The following ANKRD28 variants were observed in gnomAD, a reference collection of about 807,000 sequenced individuals.
ANKRD28 encodes the protein serine/threonine-protein phosphatase 6 regulatory ankyrin repeat subunit A.
In ANKRD28, 44 loss-of-function variants were observed where a neutral mutation model predicts 126.5. The ratio of observed to expected loss-of-function variants is 0.35; its 90% CI spans 0.27 to 0.45. The LOEUF (loss-of-function observed/expected upper bound fraction) is 0.45. ANKRD28 is among the 20% of genes least tolerant of loss of function. The pLI, the probability that ANKRD28 is intolerant of heterozygous loss-of-function variation, is 1.00. For missense variants in ANKRD28, 1,110 were observed against 1,316.6 expected (o/e 0.84, Z 2.43); for synonymous variants, 442 against 468.5 (o/e 0.94, Z 0.73).
At chr3:15,778,825 G>A (rs576794502) in intron 2 of ANKRD28, among the ~76,000 whole-genome samples, 1 of 152,164 alleles carries the variant, frequency 6.6e-6, no homozygotes, top group Non-Finnish European at 1.5e-5. Context: ...TAATCCCTAC[G>A]TGTCAAGGAT....
chr3:15,833,579 C>T lies in ANKRD28; in HGVS notation c.27+25798G>A, dbSNP rs1254810003. 6.7e-6 allele frequency among the ~76,000 whole-genome samples: 1 copy of T among 149,750 alleles called. No individual in the cohort carries two copies. On this transcript the variant is annotated intron_variant, in intron 1 of 27. Coordinates refer to the ANKRD28 transcript ENST00000399451. This position sits in a 1 kb window ranked among gnomAD's most constrained non-coding sequence, Gnocchi z 4.4. ...AATGTGTGTGTGTATATATATATCT[C>T]CTATTAGTTCTGTCCCTCTAGAGAA... is the stretch of plus-strand genomic sequence containing the variant.
In ANKRD28 at chr3:15,692,144, T is replaced by TAA. The variant is rs908039642; in HGVS notation, c.1762-1926_1762-1925dup. 0.023 allele frequency among the ~76,000 whole-genome samples: 2,296 copies of TAA among 98,906 alleles called. 138 individuals carry two copies. In the East Asian group the frequency reaches 0.24, roughly 10 times the overall value. 64.9% of individuals were successfully genotyped at this position (98,906 alleles called of 152,430 possible). A position where few individuals can be genotyped will look rare whatever the true frequency, so the allele number is the denominator to read the frequency against. On this transcript the variant is annotated intron_variant, in intron 17 of 27. Transcript: ENST00000683139. ...GACAGAATGAGATTGTATCTCTAAATAAAAAAAAAAAAAAAAAAAAAATGA... is the reference window on the plus strand; with the variant it reads ...GACAGAATGAGATTGTATCTCTAAATAAAAAAAAAAAAAAAAAAAAAAAATGA...
At chr3:15,753,209 T>G (rs1238146839) in intron 3 of ANKRD28, among the ~76,000 whole-genome samples, 2 of 152,254 alleles carry the variant, frequency 1.3e-5, no homozygotes, top group African/African-American at 2.4e-5. Flanking sequence ...CATACCCATG[T>G]AATAAATATT....
chr3:15,784,297 A>C (rs1309634490), intron 2 of ANKRD28, among the ~76,000 whole-genome samples: 3 of 152,076 alleles, frequency 2.0e-5, no homozygotes, highest in African/African-American at 7.2e-5. Context: ...GCAGCAATAT[A>C]ATGACAAATG....
chr3:15,688,680 T>C (rs1203193452), intron 18 of ANKRD28, among the ~76,000 whole-genome samples: 2 of 152,312 alleles, frequency 1.3e-5, no homozygotes, highest in East Asian at 3.8e-4. Context: ...CCAAGACATA[T>C]ATTCAAATGT....
rs74961660 is a variant in ANKRD28 at position 15,797,248 on chromosome 3, C to T, written c.-727G>A. The T allele has an allele frequency of 8.0e-4, 789 of 983,064 alleles. 6 individuals are homozygous for T. In the African/African-American group the frequency reaches 0.011, roughly 14 times the overall value. 60.9% of individuals were successfully genotyped at this position (983,064 alleles called of 1,614,324 possible). A position where few individuals can be genotyped will look rare whatever the true frequency, so the allele number is the denominator to read the frequency against. On this transcript the variant is annotated 5_prime_UTR_variant, in exon 1 of 28. Coordinates refer to ENST00000683139, the MANE Select transcript of ANKRD28 (RefSeq NM_001349278.2). ...CCACTCTGCATTAATAGCAAAGCTG[C>T]AGTACGTTTACATGTGATGAGTCAG...
chr3:15,843,811 A>G lies in ANKRD28; in HGVS notation c.27+15566T>C, dbSNP rs1299775383. Among the ~76,000 whole-genome samples the G allele has an allele frequency of 6.6e-6, 1 of 152,178 alleles. No homozygotes were observed. Among genetic ancestry groups the G allele is most frequent in the Non-Finnish European group, 1.5e-5 (1 of 68,032 alleles). On this transcript the variant is annotated intron_variant, in intron 1 of 27. Transcript: ENST00000399451. This position sits in a 1 kb window ranked among gnomAD's most constrained non-coding sequence, Gnocchi z 5.2. ...AGGCAGAAATCAAAATGTAGAAATAAAACAATTTACAATAAGCAAGGGTAT... is the reference window on the plus strand; with the variant it reads ...AGGCAGAAATCAAAATGTAGAAATAGAACAATTTACAATAAGCAAGGGTAT...
chr3:15,819,349 A>G (rs910475726), intron 1 of ANKRD28, among the ~76,000 whole-genome samples: 3 of 152,214 alleles, frequency 2.0e-5, no homozygotes, highest in Non-Finnish European at 4.4e-5. Context: ...GGAAGGCGAC[A>G]GAAGAGTCCA....
chr3:15,788,883 T>C (rs1223342334), intron 2 of ANKRD28, among the ~76,000 whole-genome samples: 1 of 151,968 alleles, frequency 6.6e-6, no homozygotes, highest in African/African-American at 2.4e-5. Flanking sequence ...AGATCATTAA[T>C]GTAACCCTAC....
chr3:15,763,790 T>G lies in ANKRD28; in HGVS notation c.280+2444A>C, dbSNP rs565662630. Among the ~76,000 whole-genome samples, 106 of 152,268 alleles carry G rather than the reference T, an allele frequency of 7.0e-4. 1 individual carries two copies. The highest frequency in any genetic ancestry group is 1.3e-3 in the Non-Finnish European group (86 of 67,988). The stretch of plus-strand genomic sequence containing the variant: ...GAAGAAATCTGGGGTGGGGAGATAA[T>G]GTACAGCTCTAAGGCCAATGTAAAA... On this transcript the variant is annotated intron_variant, in intron 3 of 27. Transcript: ENST00000683139.
intron 1 of ANKRD28, among the ~76,000 whole-genome samples, chr3:15,827,061 G>T (rs1394494114): frequency 1.3e-5 from 2 of 152,128 alleles, no homozygotes; most frequent in African/African-American, 4.8e-5. Flanking sequence ...TTAAAACCAT[G>T]AGATATCATC....
chr3:15,691,034 C>T (rs1301317773), intron 17 of ANKRD28, among the ~76,000 whole-genome samples: 1 of 152,042 alleles, frequency 6.6e-6, no homozygotes, highest in African/African-American at 2.4e-5. Context: ...CAAAGAAATG[C>T]ATAACCGAGC....
chr3:15,825,424 A>G (rs1018886370), intron 1 of ANKRD28, among the ~76,000 whole-genome samples: 5 of 152,218 alleles, frequency 3.3e-5, no homozygotes, highest in African/African-American at 4.8e-5. Flanking sequence ...TTAAAAATTT[A>G]TATGGAAGAC....
chr3:15,814,408 ATTATTGGATAATATTCAAAAACTTAC>A lies in ANKRD28; in HGVS notation c.28-19128_28-19103del. ...AACTAGTACCTTAACAAAACATTGA[ATTATTGGATAATATTCAAAAACTTAC>A]TTTGGATTTTATTAATTCAGAATTT... is the stretch of plus-strand genomic sequence containing the variant. On this transcript the variant is annotated intron_variant, in intron 1 of 27. Coordinates refer to the ANKRD28 transcript ENST00000399451. This position sits in a 1 kb window ranked among gnomAD's most constrained non-coding sequence, Gnocchi z 4.7. 1 of 504,086 alleles carries A rather than the reference ATTATTGGATAATATTCAAAAACTTAC, an allele frequency of 2.0e-6. No homozygotes were observed. The highest frequency in any genetic ancestry group is 2.9e-6 in the Non-Finnish European group (1 of 341,164). The allele number at this position is 504,086 out of a possible 1,614,324, so 31.2% of individuals were successfully genotyped here. A position where few individuals can be genotyped will look rare whatever the true frequency, so the allele number is the denominator to read the frequency against.
At position 15,854,334 on chromosome 3, in the gene ANKRD28, GC is replaced by G. The variant is rs2061716591; in HGVS notation, c.27+5042del. ...TTATCCCATCCATCCTTCCTGGCTT[GC>G]CTTCACAGTTCCCTCTTGTTGCTTT... On this transcript the variant is annotated intron_variant, in intron 1 of 27. Transcript: ENST00000399451. The surrounding 1 kb of genome is among the most constrained non-coding windows in gnomAD (Gnocchi z 4.1). Among the ~76,000 whole-genome samples, 1 of 152,110 alleles carries G rather than the reference GC, an allele frequency of 6.6e-6. No individual in the cohort carries two copies. The highest frequency in any genetic ancestry group is 6.5e-5 in the Admixed American group (1 of 15,282).
upstream of ANKRD28, among the ~76,000 whole-genome samples, chr3:15,800,453 T>G (rs945617019): frequency 3.9e-5 from 6 of 152,112 alleles, no homozygotes; most frequent in Non-Finnish European, 8.8e-5. Flanking sequence ...CTTACTGTTA[T>G]GGATATTTGG....
chr3:15,765,331 T>C (rs1312466438), intron 3 of ANKRD28, among the ~76,000 whole-genome samples: 1 of 152,226 alleles, frequency 6.6e-6, no homozygotes, highest in Non-Finnish European at 1.5e-5. Context: ...TATAATTGAC[T>C]AAAAGCATTT....
intron 2 of ANKRD28, among the ~76,000 whole-genome samples, chr3:15,782,916 A>G (rs1358525721): frequency 6.6e-6 from 1 of 152,126 alleles, no homozygotes; most frequent in Non-Finnish European, 1.5e-5. Flanking sequence ...TAGCTGGCAT[A>G]AAGCCTCTTT....
chr3:15,727,597 A>G (rs113152026), intron 6 of ANKRD28, among the ~76,000 whole-genome samples: 1 of 150,716 alleles, frequency 6.6e-6, no homozygotes, highest in African/African-American at 2.5e-5. Flanking sequence ...AAAAGAAAGA[A>G]AGAAAGAACA....
Sources: allele counts gnomAD v4.1 joint callset (sites outside exome capture counted in the v4.1 genomes callset), GRCh38; gene constraint gnomAD v4.1.1; non-coding constraint Gnocchi (gnomAD v3.1); transcripts MANE v1.5; gene names NCBI Gene and HGNC (gene_info 2026-07-23, HGNC 2026-07-21).